MAGI3: variants seen among roughly 807,000 people sequenced by gnomAD.
MAGI3 encodes membrane associated guanylate kinase, WW and PDZ domain containing 3.
In MAGI3, 43 loss-of-function variants were observed where a neutral mutation model predicts 121.8. The ratio of observed to expected loss-of-function variants is 0.35; its 90% CI spans 0.28 to 0.46. The LOEUF (loss-of-function observed/expected upper bound fraction) is 0.46, where lower values mean the gene tolerates loss of function less well. Among genes scored for constraint, MAGI3 ranks in the 20% least tolerant of loss-of-function variants. The pLI is 1.00. For missense variants in MAGI3, 1,547 were observed against 1,797.3 expected, an observed-to-expected ratio of 0.86 and a Z score of 2.52; for synonymous variants, 553 against 639.3, an observed-to-expected ratio of 0.86 and a Z score of 2.04.
At chr1:113,485,956 C>T (rs1399035617) in intron 1 of MAGI3, among the ~76,000 whole-genome samples, 1 of 152,116 alleles carries the variant, frequency 6.6e-6, no homozygotes, top group African/African-American at 2.4e-5. Context: ...TTTGCTTTGT[C>T]AAAGATCAGT....
intron 4 of MAGI3, 83 bp from the exon 5 acceptor site, chr1:113,590,400 AT>A (rs59211723): frequency 0.74 from 1,040,228 of 1,397,132 alleles, 392,602 homozygotes; most frequent in African/African-American, 0.78. Context: ...TGTATTTGGA[AT>A]TTTTTTAGAA....
Position 113,556,728 on chromosome 1 carries a change from AAT to A in MAGI3, c.433+7098_433+7099del, listed in dbSNP as rs780987665. Among the ~76,000 whole-genome samples, 54 of 151,816 alleles carry A rather than the reference AAT, an allele frequency of 3.6e-4. 1 individual carries two copies. The East Asian group carries it at 5.8e-3, about 16-fold the overall frequency. On this transcript the variant is annotated intron_variant, in intron 2 of 20. Coordinates refer to ENST00000307546, the MANE Select transcript of MAGI3 (RefSeq NM_001142782.2). ...CAGATGTGTGCCACCATGCCCAGCT[AAT>A]TTTTTTTTAATTCTTATTAGAGACG...
chr1:113,642,596 AT>A (rs1652611375), intron 10 of MAGI3, 80 bp downstream of exon 10: 2 of 1,462,890 alleles, frequency 1.4e-6, no homozygotes, highest in Non-Finnish European at 1.8e-6. Context: ...ACAGTTTAGA[AT>A]GTGTTTTCCC....
At chr1:113,572,875 A>C (rs1294314377) in intron 2 of MAGI3, among the ~76,000 whole-genome samples, 1 of 150,126 alleles carries the variant, frequency 6.7e-6, no homozygotes, top group African/African-American at 2.4e-5. Flanking sequence ...AGGGTGTTTC[A>C]TGTCTCTATC....
intron 2 of MAGI3, among the ~76,000 whole-genome samples, chr1:113,555,312 G>C (rs1257555759): frequency 6.6e-6 from 1 of 152,168 alleles, no homozygotes; most frequent in Non-Finnish European, 1.5e-5. Context: ...AGGTGGAAGA[G>C]AAATGATATC....
intron 1 of MAGI3, among the ~76,000 whole-genome samples, chr1:113,472,266 G>A (rs1199122212): frequency 3.3e-5 from 5 of 150,402 alleles, no homozygotes; most frequent in Non-Finnish European, 5.9e-5. Flanking sequence ...GCAGTGGCGC[G>A]ATCTCGGCTC....
At chr1:113,530,923 G>C (rs1418955382) in intron 1 of MAGI3, among the ~76,000 whole-genome samples, 1 of 151,966 alleles carries the variant, frequency 6.6e-6, no homozygotes, top group African/African-American at 2.4e-5. Context: ...CTCAAAAAAA[G>C]AAAAGGAAAG....
chr1:113,608,907 T>A (rs1649956710), intron 6 of MAGI3, among the ~76,000 whole-genome samples: 1 of 152,160 alleles, frequency 6.6e-6, no homozygotes, highest in Non-Finnish European at 1.5e-5. Context: ...CCCCTTTTAT[T>A]CTCAAAAGTG....
At chr1:113,550,790 T>C (rs570737922) in intron 2 of MAGI3, among the ~76,000 whole-genome samples, 7 of 149,956 alleles carry the variant, frequency 4.7e-5, no homozygotes, top group Non-Finnish European at 1.0e-4. Context: ...AAAAAAAATA[T>C]ATATATATTT....
At chr1:113,450,472 A>G in intron 1 of MAGI3, 2 of 1,105,556 alleles carry the variant, frequency 1.8e-6, no homozygotes, top group East Asian at 4.7e-5. Flanking sequence ...GTGGTGGTGG[A>G]CCAGGATATG....
intron 7 of MAGI3, among the ~76,000 whole-genome samples, chr1:113,615,582 G>C (rs936434356): frequency 1.3e-5 from 2 of 152,170 alleles, no homozygotes; most frequent in Non-Finnish European, 2.9e-5. Flanking sequence ...TCTGACTCCT[G>C]TTGCAACTGT....
intron 11 of MAGI3, among the ~76,000 whole-genome samples, chr1:113,644,258 AT>A (rs1465862355): frequency 1.3e-5 from 2 of 152,022 alleles, no homozygotes; most frequent in South Asian, 2.1e-4. Context: ...AATTAGGCTT[AT>A]TTTTTTATTA....
At position 113,580,556 on chromosome 1, in the gene MAGI3, C is replaced by A; in HGVS notation, c.448C>A (p.Pro150Thr). The A allele has an allele frequency of 6.2e-7, 1 of 1,610,064 alleles. No homozygotes were observed. The highest frequency in any genetic ancestry group is 8.5e-7 in the Non-Finnish European group (1 of 1,177,816). Reference protein sequence around the residue: ...LRTIPCTTRAPRDGEVPGVDY... With the variant: ...LRTIPCTTRATRDGEVPGVDY... ...TTTTTTCTTAGGCACTACAAGGGCC[C>A]CCAGGGATGGAGAAGTACCAGGAGT... Residue 150 changes from proline to threonine, a missense_variant, in exon 3 of 21, where the codon CCC becomes ACC. Coordinates refer to ENST00000307546, the MANE Select transcript of MAGI3 (RefSeq NM_001142782.2).
intron 1 of MAGI3, among the ~76,000 whole-genome samples, chr1:113,443,819 A>G (rs1010626323): frequency 6.6e-6 from 1 of 152,206 alleles, no homozygotes; most frequent in Non-Finnish European, 1.5e-5. Context: ...TGTTTTATAT[A>G]TTTATTCATT....
At chr1:113,619,639 C>G (rs185494595) in intron 7 of MAGI3, 97 bp from the exon 8 acceptor site, 4 of 790,684 alleles carry the variant, frequency 5.1e-6, no homozygotes, top group Non-Finnish European at 8.4e-6. Context: ...ACATATTTGT[C>G]CCCTAATCTA....
chr1:113,390,971 G>A lies in MAGI3; in HGVS notation c.-63G>A, dbSNP rs1570901617. The A allele has an allele frequency of 7.7e-6, 11 of 1,422,518 alleles. No individual in the cohort carries two copies. The highest frequency in any genetic ancestry group is 1.0e-5 in the Non-Finnish European group (11 of 1,087,658). 88.1% of individuals were successfully genotyped at this position (1,422,518 alleles called of 1,614,324 possible). A position where few individuals can be genotyped will look rare whatever the true frequency, so the allele number is the denominator to read the frequency against. ...CCGCCCAGGGCCCCCGGGCTGAGACGGGGCCGGAGCGGCGCCCCGGCCGCC... is the reference window on the plus strand; with the variant it reads ...CCGCCCAGGGCCCCCGGGCTGAGACAGGGCCGGAGCGGCGCCCCGGCCGCC... On this transcript the variant is annotated 5_prime_UTR_variant, in exon 1 of 21. Transcript: ENST00000307546.
chr1:113,454,625 C>T (rs1331005680), intron 1 of MAGI3, among the ~76,000 whole-genome samples: 1 of 152,110 alleles, frequency 6.6e-6, no homozygotes, highest in Non-Finnish European at 1.5e-5. Flanking sequence ...AGGTATTTCT[C>T]CTAATGCTAT....
chr1:113,453,705 T>C (rs1654601402), intron 1 of MAGI3, among the ~76,000 whole-genome samples: 1 of 152,220 alleles, frequency 6.6e-6, no homozygotes, highest in Admixed American at 6.5e-5. Context: ...GAGTTTCTGC[T>C]CTGTTTGATT....
chr1:113,483,939 C>T (rs1656231656), intron 1 of MAGI3, among the ~76,000 whole-genome samples: 1 of 151,874 alleles, frequency 6.6e-6, no homozygotes. Context: ...TTCCCTGACC[C>T]ATTTGAGAGT....
Sources: gnomAD v4.1 joint callset for allele counts (sites outside exome capture counted in the v4.1 genomes callset) on GRCh38, gnomAD v4.1.1 for gene constraint, MANE v1.5 for transcripts, NCBI Gene and HGNC (gene_info 2026-07-23, HGNC 2026-07-21) for gene names.